Variants in AGAP1 observed in about 807,000 individuals in gnomAD.
AGAP1 encodes the protein arf-GAP with GTPase, ANK repeat and PH domain-containing protein 1.
Under a neutral mutation model 105.3 loss-of-function variants are expected in AGAP1, and 29 were observed. The observed-to-expected ratio is 0.28, with a 90% CI of 0.21 to 0.38. The LOEUF is 0.38. Ranked by LOEUF, AGAP1 falls within the 10% of genes least tolerant of loss-of-function variation. The probability of loss-of-function intolerance (pLI) is 1.00; values close to 1 mark genes in which losing one functional copy is unlikely to be tolerated. For synonymous variants in AGAP1, 509 were observed against 485.9 expected, an observed-to-expected ratio of 1.05 and a Z score of -0.63; for missense variants, 998 against 1,165.1, an observed-to-expected ratio of 0.86 and a Z score of 2.09.
intron 1 of AGAP1, among the ~76,000 whole-genome samples, chr2:235,698,538 C>G (rs752169948): frequency 1.1e-4 from 16 of 152,172 alleles, no homozygotes; most frequent in Non-Finnish European, 2.4e-4. Context: ...TTTTCACTTT[C>G]AAGGACTCAG....
chr2:235,621,048 T>C lies in AGAP1; in HGVS notation c.164-88131T>C, dbSNP rs1044949987. On this transcript the variant is annotated intron_variant, in intron 1 of 17. Coordinates refer to ENST00000304032, the MANE Select transcript of AGAP1 (RefSeq NM_001037131.3). The surrounding 1 kb of genome is among the most constrained non-coding windows in gnomAD (Gnocchi z 4.1). ...TTTTTTCCTTTTTTTGGAGACCCAG[T>C]CTCGCTCTTGTCTCCCAGGCTGGAG... Among the ~76,000 whole-genome samples the C allele has an allele frequency of 6.6e-6, 1 of 152,054 alleles. No homozygotes were observed. Among genetic ancestry groups the C allele is most frequent in the African/African-American group, 2.4e-5 (1 of 41,378 alleles).
At chr2:235,797,587 C>T (rs1284459311) in intron 6 of AGAP1, among the ~76,000 whole-genome samples, 172 bp from the exon 7 acceptor site, 2 of 152,104 alleles carry the variant, frequency 1.3e-5, no homozygotes, top group Admixed American at 6.6e-5. Flanking sequence ...GGAGGAGGCT[C>T]TGGCAAATGT....
intron 9 of AGAP1, among the ~76,000 whole-genome samples, chr2:235,823,553 G>A (rs956811395): frequency 4.6e-5 from 7 of 152,198 alleles, no homozygotes; most frequent in Non-Finnish European, 1.0e-4. Flanking sequence ...GTCCCAGGAA[G>A]GGTAAAGAGC....
intron 6 of AGAP1, among the ~76,000 whole-genome samples, chr2:235,796,069 A>G (rs1325526124): frequency 6.6e-6 from 1 of 152,228 alleles, no homozygotes; most frequent in Non-Finnish European, 1.5e-5. Context: ...CACATTTCTT[A>G]CGAATGTAAA....
intron 1 of AGAP1, among the ~76,000 whole-genome samples, chr2:235,654,432 T>G (rs1447923874): frequency 1.3e-5 from 2 of 152,240 alleles, no homozygotes; most frequent in South Asian, 2.1e-4. Context: ...AATTGGATAT[T>G]TTAATAAATG....
intron 16 of AGAP1, among the ~76,000 whole-genome samples, chr2:236,074,818 G>A (rs1454211899): frequency 1.3e-5 from 2 of 152,170 alleles, no homozygotes; most frequent in African/African-American, 4.8e-5. Context: ...AATTTGAGAG[G>A]CTGAAGCATG....
chr2:235,769,798 C>G lies in AGAP1; in HGVS notation c.673+19310C>G, dbSNP rs900599101. ...AGGCACAGGCGACGCTCCGAGGCAG[C>G]CTGGCTTGTGTTAGCTGAGTTCTGC... On this transcript the variant is annotated intron_variant, in intron 6 of 17. Coordinates refer to ENST00000304032, the MANE Select transcript of AGAP1 (RefSeq NM_001037131.3). This position sits in a 1 kb window ranked among gnomAD's most constrained non-coding sequence, Gnocchi z 4.4. 6.6e-6 allele frequency among the ~76,000 whole-genome samples: 1 copy of G among 152,162 alleles called. No individual in the cohort carries two copies. The highest frequency in any genetic ancestry group is 1.5e-5 in the Non-Finnish European group (1 of 68,038).
chr2:236,098,958 G>T lies in AGAP1; in HGVS notation c.2115-21234G>T, dbSNP rs550517407. ...TAAAGGCCTCCAAACATCCTAGTGC[G>T]TAAGGACTAGATCCTTACTTCCTAG... On this transcript the variant is annotated intron_variant, in intron 16 of 17. Transcript: ENST00000304032. Among the ~76,000 whole-genome samples the T allele has an allele frequency of 2.8e-3, 431 of 151,938 alleles. 4 individuals are homozygous for T. The highest frequency in any genetic ancestry group is 4.9e-3 in the Non-Finnish European group (331 of 67,962).
Position 235,657,250 on chromosome 2 carries a change from GTTGTTCAATGCATGACC to G in AGAP1, c.164-51923_164-51907del, listed in dbSNP as rs1947802840. On this transcript the variant is annotated intron_variant, in intron 1 of 17. Transcript: ENST00000304032. ...GGGCACTGGGTAGCCCTGGAGTTGA[GTTGTTCAATGCATGACC>G]TTGTTTATGTCGCTATTTGAGTTTT... Among the ~76,000 whole-genome samples, 6 of 152,290 alleles carry G rather than the reference GTTGTTCAATGCATGACC, an allele frequency of 3.9e-5. No individual in the cohort carries two copies. In the South Asian group the frequency reaches 1.2e-3, roughly 32 times the overall value.
At position 235,958,168 on chromosome 2, in the gene AGAP1, G is replaced by T. The variant is rs773575436; in HGVS notation, c.1484-10294G>T. Reference sequence around the variant, plus strand: ...AGCCAACCCTTCGGGAACCATTGCAGCTCTCCCAGAGTGAGTGTTGCCTGC... The same window carrying T: ...AGCCAACCCTTCGGGAACCATTGCATCTCTCCCAGAGTGAGTGTTGCCTGC... On this transcript the variant is annotated intron_variant, in intron 12 of 17. Coordinates refer to ENST00000304032, the MANE Select transcript of AGAP1 (RefSeq NM_001037131.3). This position sits in a 1 kb window ranked among gnomAD's most constrained non-coding sequence, Gnocchi z 4.1. Among the ~76,000 whole-genome samples, 28 of 152,144 alleles carry T rather than the reference G, an allele frequency of 1.8e-4. No homozygotes were observed. The highest frequency in any genetic ancestry group is 7.2e-4 in the Admixed American group (11 of 15,274).
intron 14 of AGAP1, among the ~76,000 whole-genome samples, chr2:236,037,753 A>G (rs2057426605): frequency 1.3e-5 from 2 of 152,146 alleles, no homozygotes; most frequent in African/African-American, 4.8e-5. Flanking sequence ...TCCTTCTACA[A>G]AAGTCCTTTT....
chr2:236,116,369 A>ATTTTTTTTTTTTT (rs2059770803), intron 16 of AGAP1, among the ~76,000 whole-genome samples: 1 of 56,314 alleles, frequency 1.8e-5, no homozygotes, highest in Non-Finnish European at 4.7e-5. Context: ...TTTTTTTTTG[A>ATTTTTTTTTTTTT]GAGAGAGTTT....
chr2:235,757,867 G>T (rs923485161), intron 6 of AGAP1, among the ~76,000 whole-genome samples: 3 of 152,154 alleles, frequency 2.0e-5, no homozygotes, highest in African/African-American at 7.2e-5. Flanking sequence ...TAATGAGTCC[G>T]TTTGTGCAAC....
intron 1 of AGAP1, among the ~76,000 whole-genome samples, chr2:235,536,984 A>G (rs1356824568): frequency 6.6e-6 from 1 of 152,036 alleles, no homozygotes; most frequent in Non-Finnish European, 1.5e-5. Context: ...GAGTCCATCT[A>G]TCTGTGCGTG....
rs1208255760 is a variant in AGAP1 at position 235,769,783 on chromosome 2, G to A, written c.673+19295G>A. 6.6e-6 allele frequency among the ~76,000 whole-genome samples: 1 copy of A among 152,164 alleles called. No homozygotes were observed. Among genetic ancestry groups the A allele is most frequent in the African/African-American group, 2.4e-5 (1 of 41,452 alleles). ...CCTGGATCATGGGGGAGGCACAGGC[G>A]ACGCTCCGAGGCAGCCTGGCTTGTG... is the stretch of plus-strand genomic sequence containing the variant. On this transcript the variant is annotated intron_variant, in intron 6 of 17. Transcript: ENST00000304032. This position sits in a 1 kb window ranked among gnomAD's most constrained non-coding sequence, Gnocchi z 4.4.
intron 1 of AGAP1, among the ~76,000 whole-genome samples, chr2:235,536,583 A>G (rs902242195): frequency 2.1e-5 from 3 of 145,164 alleles, no homozygotes; most frequent in Non-Finnish European, 4.5e-5. Context: ...TCCTGCACAC[A>G]CACACATACA....
At chr2:236,086,716 G>C (rs1576272286) in intron 16 of AGAP1, among the ~76,000 whole-genome samples, 2 of 152,078 alleles carry the variant, frequency 1.3e-5, no homozygotes, top group East Asian at 3.9e-4. Context: ...TAAATTCTTG[G>C]TCAGGAATGA....
chr2:235,643,608 T>C (rs1237001250), intron 1 of AGAP1, among the ~76,000 whole-genome samples: 1 of 151,630 alleles, frequency 6.6e-6, no homozygotes, highest in Admixed American at 6.6e-5. Context: ...ATCTAACTGT[T>C]TAGTGTTGCC....
intron 9 of AGAP1, among the ~76,000 whole-genome samples, chr2:235,836,326 G>T (rs1174698956): frequency 6.6e-6 from 1 of 152,218 alleles, no homozygotes; most frequent in African/African-American, 2.4e-5. Context: ...TCAAATTAGA[G>T]CACTGCAGCA....
Sources: allele counts gnomAD v4.1 joint callset (sites outside exome capture counted in the v4.1 genomes callset), GRCh38; gene constraint gnomAD v4.1.1; non-coding constraint Gnocchi (gnomAD v3.1); transcripts MANE v1.5; gene names NCBI Gene and HGNC (gene_info 2026-07-23, HGNC 2026-07-21).